MCM5: variants seen among roughly 807,000 people sequenced by gnomAD.
The protein encoded by MCM5 is DNA replication licensing factor MCM5.
A neutral mutation model predicts 79.9 loss-of-function variants in MCM5; 46 were observed. The observed-to-expected ratio is 0.58, with a 90% CI of 0.45 to 0.74. The LOEUF is 0.74. Among genes scored for constraint, MCM5 ranks in the 30% least tolerant of loss-of-function variants. MCM5 has a pLI of 0.00. For synonymous variants in MCM5, 404 were observed against 390.5 expected (o/e 1.03, Z -0.41); for missense variants, 883 against 1,017.0 (o/e 0.87, Z 1.79).
intron 16 of MCM5, 136 bp from the exon 17 acceptor site, chr22:35,424,018 T>C (rs1932753535): frequency 1.7e-6 from 1 of 601,282 alleles, no homozygotes; most frequent in Non-Finnish European, 3.0e-6. Context: ...TGGTACACAG[T>C]GGGCACTCAG....
chr22:35,448,991 G>A, the MCM5 span, among the ~76,000 whole-genome samples: 1 of 152,208 alleles, frequency 6.6e-6, no homozygotes, highest in Admixed American at 6.5e-5. Context: ...AAGCCTCATG[G>A]TCAAGTCCAG....
At chr22:35,405,316 C>T (rs981168846) in intron 4 of MCM5, among the ~76,000 whole-genome samples, 3 of 151,882 alleles carry the variant, frequency 2.0e-5, no homozygotes, top group African/African-American at 7.3e-5. Context: ...AAACAAGTCC[C>T]ATACATCATA....
the MCM5 span, among the ~76,000 whole-genome samples, chr22:35,447,849 G>A: frequency 4.6e-5 from 7 of 152,210 alleles, no homozygotes; most frequent in Non-Finnish European, 4.4e-5. Flanking sequence ...AGACCGGGCA[G>A]CAGCGTGCTC....
chr22:35,400,627 G>A, intron 2 of MCM5, 22 bp downstream of exon 2: 1 of 1,573,348 alleles, frequency 6.4e-7, no homozygotes, highest in Non-Finnish European at 8.6e-7. Context: ...GCGGGGCCGG[G>A]GGCTCGAGTT....
At chr22:35,401,748 G>C (rs529601849) in intron 2 of MCM5, 19 of 469,754 alleles carry the variant, frequency 4.0e-5, no homozygotes, top group Middle Eastern at 3.3e-4. Flanking sequence ...AAGCTCCTAA[G>C]TCAGAGGAGT....
rs1404292981 is a variant in MCM5, at chr22:35,424,815, G to C, written c.*560G>C. 6.6e-6 allele frequency: 1 copy of C among 152,310 alleles called. No homozygotes were observed. The highest frequency in any genetic ancestry group is 6.5e-5 in the Admixed American group (1 of 15,288). The allele number at this position is 152,310 out of a possible 1,614,324, so 9.4% of individuals were successfully genotyped here. The stretch of plus-strand genomic sequence containing the variant: ...ATTGGGGGGCTGCGAGCCGTGGTGC[G>C]GCGGTCAGACTGCCTGGATTCATGG... On this transcript the variant is annotated 3_prime_UTR_variant, in exon 17 of 17. Coordinates refer to ENST00000216122, the MANE Select transcript of MCM5 (RefSeq NM_006739.4).
At chr22:35,443,348 G>C in the MCM5 span, among the ~76,000 whole-genome samples, 1 of 152,096 alleles carries the variant, frequency 6.6e-6, no homozygotes, top group South Asian at 2.1e-4. Context: ...CACCACGCCT[G>C]GCTAATTTTT....
At chr22:35,449,791 T>C in the MCM5 span, among the ~76,000 whole-genome samples, 2 of 151,872 alleles carry the variant, frequency 1.3e-5, no homozygotes, top group Admixed American at 6.6e-5. Context: ...TTTATTCTTA[T>C]TTTTTTTAGA....
chr22:35,437,944 T>A, the MCM5 span, among the ~76,000 whole-genome samples: 1 of 152,134 alleles, frequency 6.6e-6, no homozygotes, highest in African/African-American at 2.4e-5. Flanking sequence ...GGGGAGTGAC[T>A]AGTCCCAGGA....
chr22:35,421,186 G>T, intron 14 of MCM5, 132 bp from the exon 15 acceptor site: 1 of 789,606 alleles, frequency 1.3e-6, no homozygotes, highest in Non-Finnish European at 2.0e-6. Context: ...AAGGGAGATG[G>T]ATTATGGGGA....
rs934499134 is a variant in MCM5 at position 35,408,547 on chromosome 22, C to A, written c.736C>A (p.Gln246Lys). The A allele has an allele frequency of 2.5e-6, 4 of 1,612,422 alleles. No homozygotes were observed. The East Asian group carries it at 8.9e-5, about 36-fold the overall frequency. ...VPHGEMPRHMQLYCDRYLCDK... is the reference protein window; with the variant it reads ...VPHGEMPRHMKLYCDRYLCDK... ...CCACGGGGAGATGCCCAGACACATG[C>A]AGCTCTACTGCGACAGGTGAGGCAG... Residue 246 changes from glutamine (Q) to lysine (K), a missense_variant, in exon 6 of 17, where the codon CAG becomes AAG. Physicochemically the swap from Gln to Lys is moderately conservative, Grantham distance 53 (BLOSUM62 1). Coordinates refer to ENST00000216122, the MANE Select transcript of MCM5 (RefSeq NM_006739.4).
At chr22:35,404,932 A>T (rs957611138) in intron 4 of MCM5, among the ~76,000 whole-genome samples, 1 of 152,098 alleles carries the variant, frequency 6.6e-6, no homozygotes, top group African/African-American at 2.4e-5. Context: ...TTTATTATGG[A>T]TAATTCAAAC....
chr22:35,430,326 T>C (rs1382167379), downstream of MCM5, among the ~76,000 whole-genome samples: 1 of 152,140 alleles, frequency 6.6e-6, no homozygotes, highest in Non-Finnish European at 1.5e-5. Flanking sequence ...CTGAGTATAG[T>C]GAGAGTATAG....
the MCM5 span, among the ~76,000 whole-genome samples, chr22:35,436,341 C>T: frequency 6.6e-6 from 1 of 152,126 alleles, no homozygotes; most frequent in Non-Finnish European, 1.5e-5. Flanking sequence ...CTCTGACCTT[C>T]CGCAGCTTCC....
At chr22:35,421,034 G>A (rs930045478) in intron 14 of MCM5, among the ~76,000 whole-genome samples, 13 of 151,618 alleles carry the variant, frequency 8.6e-5, no homozygotes, top group Admixed American at 6.6e-5. Flanking sequence ...TGGCTGAGGT[G>A]GAAGGATCAC....
At chr22:35,413,451 A>T (rs1932446950) in intron 8 of MCM5, among the ~76,000 whole-genome samples, 1 of 152,162 alleles carries the variant, frequency 6.6e-6, no homozygotes, top group Non-Finnish European at 1.5e-5. Flanking sequence ...GAATTGAGGC[A>T]TAGAGAGTTA....
In MCM5 at chr22:35,424,406, G is replaced by A; in HGVS notation, c.*151G>A. On this transcript the variant is annotated 3_prime_UTR_variant, in exon 17 of 17. Coordinates refer to ENST00000216122, the MANE Select transcript of MCM5 (RefSeq NM_006739.4). Reference sequence around the variant, plus strand: ...CCTTTCTGCCCCAGAGGAAGGAGCTGTAGTGTCCTGCTGCCTCTGGGCGCC... The same window carrying A: ...CCTTTCTGCCCCAGAGGAAGGAGCTATAGTGTCCTGCTGCCTCTGGGCGCC... 1 of 609,272 alleles carries A rather than the reference G, an allele frequency of 1.6e-6. No individual in the cohort carries two copies. The allele number at this position is 609,272 out of a possible 1,614,324, so 37.7% of individuals were successfully genotyped here. A position where few individuals can be genotyped will look rare whatever the true frequency, so the allele number is the denominator to read the frequency against.
chr22:35,436,497 G>A, the MCM5 span, among the ~76,000 whole-genome samples: 1 of 152,332 alleles, frequency 6.6e-6, no homozygotes, highest in South Asian at 2.1e-4. Context: ...GGGGCTTCAC[G>A]TTTTCTATGA....
intron 5 of MCM5, among the ~76,000 whole-genome samples, chr22:35,407,454 G>C (rs1042147731): frequency 6.6e-6 from 1 of 151,612 alleles, no homozygotes; most frequent in South Asian, 2.1e-4. Context: ...TTACTTCTTA[G>C]TCAAGTCCTG....
Sources: allele counts gnomAD v4.1 joint callset (sites outside exome capture counted in the v4.1 genomes callset), GRCh38; gene constraint gnomAD v4.1.1; transcripts MANE v1.5; gene names NCBI Gene and HGNC (gene_info 2026-07-23, HGNC 2026-07-21).